PARP11: variants seen among roughly 807,000 people sequenced by gnomAD.
PARP11 encodes the protein protein mono-ADP-ribosyltransferase PARP11.
Under a neutral mutation model 42.9 loss-of-function variants are expected in PARP11, and 31 were observed. That is an observed-to-expected ratio of 0.72 (90% CI 0.54 to 0.98). The LOEUF (loss-of-function observed/expected upper bound fraction) is 0.98. PARP11 is among the 50% of genes least tolerant of loss of function. The probability of loss-of-function intolerance (pLI) is 0.00; values close to 1 mark genes in which losing one functional copy is unlikely to be tolerated. For missense variants in PARP11, 365 were observed against 413.1 expected (o/e 0.88, Z 1.01); for synonymous variants, 137 against 127.3 (o/e 1.08, Z -0.51).
At position 3,867,418 on chromosome 12, in the gene PARP11, T is replaced by A. The variant is rs376602843; in HGVS notation, c.18+5794A>T. Among the ~76,000 whole-genome samples, 67 of 152,220 alleles carry A rather than the reference T, an allele frequency of 4.4e-4. No individual in the cohort carries two copies. In the South Asian group the frequency reaches 4.6e-3, roughly 10 times the overall value. ...CAAGTTTCTGAAATGAGGGATGAGATTTTAAAAAACAAAAAAATTCTTCAT... is the reference window on the plus strand; with the variant it reads ...CAAGTTTCTGAAATGAGGGATGAGAATTTAAAAAACAAAAAAATTCTTCAT... On this transcript the variant is annotated intron_variant, in intron 1 of 7. Transcript: ENST00000228820.
chr12:3,830,073 C>G, intron 1 of PARP11, 55 bp from the exon 2 acceptor site: 1 of 1,527,006 alleles, frequency 6.5e-7, no homozygotes, highest in South Asian at 1.1e-5. Context: ...AACAAGTATA[C>G]TTTTTACAGA....
intron 1 of PARP11, among the ~76,000 whole-genome samples, chr12:3,837,897 T>G (rs375822519): frequency 6.6e-6 from 1 of 151,636 alleles, no homozygotes; most frequent in East Asian, 1.9e-4. Flanking sequence ...ACGAAGCAAG[T>G]GGACATAATT....
chr12:3,860,230 T>C (rs1269918430), intron 1 of PARP11, among the ~76,000 whole-genome samples: 1 of 151,898 alleles, frequency 6.6e-6, no homozygotes, highest in Non-Finnish European at 1.5e-5. Context: ...AATGAAAAAA[T>C]AGTAGATGGG....
At chr12:3,818,121 T>C (rs1227635000) in intron 6 of PARP11, among the ~76,000 whole-genome samples, 1 of 152,210 alleles carries the variant, frequency 6.6e-6, no homozygotes, top group Non-Finnish European at 1.5e-5. Context: ...TAAATTCACA[T>C]ACTTTAGCTA....
chr12:3,860,061 AAG>A (rs1335937155), intron 1 of PARP11, among the ~76,000 whole-genome samples: 2 of 152,224 alleles, frequency 1.3e-5, no homozygotes, highest in Non-Finnish European at 2.9e-5. Flanking sequence ...TTAAGCAAAA[AAG>A]AACCAGTACT....
At chr12:3,839,954 CTGAT>C in intron 1 of PARP11, 1 of 1,271,280 alleles carries the variant, frequency 7.9e-7, no homozygotes, top group Non-Finnish European at 1.2e-6. Context: ...GTTGCTGCTG[CTGAT>C]GTGAATGGAT....
chr12:3,829,142 C>T lies in PARP11; in HGVS notation c.148-112G>A, dbSNP rs949876964. ...GGAATGGAGGGGCGAGGGAAACTTA[C>T]TAATCACCTGTTCTAGTTCCCAACA... On this transcript the variant is annotated intron_variant, in intron 2 of 7. Transcript: ENST00000228820. 16 of 1,087,674 alleles carry T rather than the reference C, an allele frequency of 1.5e-5. No homozygotes were observed. In the African/African-American group the frequency reaches 2.0e-4, roughly 14 times the overall value. 67.4% of individuals were successfully genotyped at this position (1,087,674 alleles called of 1,614,324 possible). A position where few individuals can be genotyped will look rare whatever the true frequency, so the allele number is the denominator to read the frequency against.
At chr12:3,841,903 G>C in intron 1 of PARP11, 1 of 1,608,050 alleles carries the variant, frequency 6.2e-7, no homozygotes, top group Non-Finnish European at 8.5e-7. Context: ...CACAGTAGAT[G>C]AGTTTCCAGC....
chr12:3,842,002 C>T (rs532809040), intron 1 of PARP11: 32 of 1,610,798 alleles, frequency 2.0e-5, no homozygotes, highest in African/African-American at 4.0e-5. Flanking sequence ...TTCCCAGACA[C>T]GAAAGGCAGA....
At chr12:3,831,614 G>A (rs1947640111) in intron 1 of PARP11, among the ~76,000 whole-genome samples, 1 of 152,056 alleles carries the variant, frequency 6.6e-6, no homozygotes, top group African/African-American at 2.4e-5. Context: ...CTCAATGAAG[G>A]GGGTTTGTTA....
intron 6 of PARP11, among the ~76,000 whole-genome samples, chr12:3,816,466 A>T (rs1947288957): frequency 6.6e-6 from 1 of 152,206 alleles, no homozygotes. Flanking sequence ...ACCCACCAGC[A>T]CATATTTCTC....
At chr12:3,815,045 C>T in intron 6 of PARP11, 1 of 456,574 alleles carries the variant, frequency 2.2e-6, no homozygotes, top group Non-Finnish European at 4.4e-6. Context: ...GTAAACACTT[C>T]ACCTGTATCT....
chr12:3,811,973 T>A lies in PARP11; in HGVS notation c.*150A>T. On this transcript the variant is annotated 3_prime_UTR_variant, in exon 8 of 8. Coordinates refer to ENST00000228820, the MANE Select transcript of PARP11 (RefSeq NM_020367.6). ...AAAACAACAAAAACCAACCTTGAAG[T>A]CAGTATGTCTTTTTATATGGAGGCC... 1.7e-6 allele frequency: 1 copy of A among 582,368 alleles called. No individual in the cohort carries two copies. The highest frequency in any genetic ancestry group is 2.9e-6 in the Non-Finnish European group (1 of 340,494). 36.1% of individuals were successfully genotyped at this position (582,368 alleles called of 1,614,324 possible). A position where few individuals can be genotyped will look rare whatever the true frequency, so the allele number is the denominator to read the frequency against.
chr12:3,829,163 C>A, intron 2 of PARP11, 133 bp from the exon 3 acceptor site: 1 of 847,392 alleles, frequency 1.2e-6, no homozygotes, highest in Non-Finnish European at 1.8e-6. Flanking sequence ...TTCTAGTTCC[C>A]AACACACAGG....
At chr12:3,843,647 A>T (rs1288676129) in intron 1 of PARP11, among the ~76,000 whole-genome samples, 1 of 152,204 alleles carries the variant, frequency 6.6e-6, no homozygotes, top group Non-Finnish European at 1.5e-5. Context: ...TAGGTAGGTA[A>T]CATCTTCCAT....
At position 3,861,834 on chromosome 12, in the gene PARP11, C is replaced by CT. The variant is rs1174965385; in HGVS notation, c.18+11377dup. The stretch of plus-strand genomic sequence containing the variant: ...GGTCAGGAGATTGAGACCATCCTGG[C>CT]TAACACGGTGAAACCCCGTCTCTAC... On this transcript the variant is annotated intron_variant, in intron 1 of 7. Transcript: ENST00000228820. The surrounding 1 kb of genome is among the most constrained non-coding windows in gnomAD (Gnocchi z 4.6). 6.6e-6 allele frequency among the ~76,000 whole-genome samples: 1 copy of CT among 151,572 alleles called. No individual in the cohort carries two copies. The highest frequency in any genetic ancestry group is 2.4e-5 in the African/African-American group (1 of 41,218).
chr12:3,848,903 T>G (rs1948045754), intron 1 of PARP11, among the ~76,000 whole-genome samples: 1 of 151,382 alleles, frequency 6.6e-6, no homozygotes, highest in African/African-American at 2.4e-5. Flanking sequence ...AAACTATCAA[T>G]GTGACAATGG....
chr12:3,813,211 A>C (rs1645023607), intron 7 of PARP11, among the ~76,000 whole-genome samples: 1 of 152,210 alleles, frequency 6.6e-6, no homozygotes, highest in Admixed American at 6.5e-5. Flanking sequence ...CACAGTGGAA[A>C]CCGATGGCCT....
Position 3,861,083 on chromosome 12 carries a change from A to T in PARP11, c.18+12129T>A, listed in dbSNP as rs192455516. Reference sequence around the variant, plus strand: ...TTGGGCTCAACTGCATCTGATTTAGATAATATTTAGATGAGATGTTGGACT... The same window carrying T: ...TTGGGCTCAACTGCATCTGATTTAGTTAATATTTAGATGAGATGTTGGACT... On this transcript the variant is annotated intron_variant, in intron 1 of 7. Transcript: ENST00000228820. This position sits in a 1 kb window ranked among gnomAD's most constrained non-coding sequence, Gnocchi z 4.6. Among the ~76,000 whole-genome samples the T allele has an allele frequency of 4.2e-4, 64 of 152,290 alleles. No individual in the cohort carries two copies. The highest frequency in any genetic ancestry group is 7.6e-4 in the Non-Finnish European group (52 of 68,026).
Sources: gnomAD v4.1 joint callset for allele counts (sites outside exome capture counted in the v4.1 genomes callset) on GRCh38, gnomAD v4.1.1 for gene constraint, Gnocchi (gnomAD v3.1) non-coding constraint, MANE v1.5 for transcripts, NCBI Gene and HGNC (gene_info 2026-07-23, HGNC 2026-07-21) for gene names.